GLG1: variants seen among roughly 807,000 people sequenced by gnomAD.
GLG1 encodes the protein Golgi apparatus protein 1.
In GLG1, 38 loss-of-function variants were observed where a neutral mutation model predicts 160.5. The observed-to-expected ratio is 0.24, with a 90% CI of 0.18 to 0.31. The LOEUF (loss-of-function observed/expected upper bound fraction) is 0.31, where lower values mean the gene tolerates loss of function less well. GLG1 is among the 10% of genes least tolerant of loss of function. The pLI is 1.00. For missense variants in GLG1, 1,373 were observed against 1,505.2 expected (o/e 0.91, Z 1.45); for synonymous variants, 644 against 543.4 (o/e 1.19, Z -2.57).
At position 74,447,542 on chromosome 16, in the gene GLG1, T is replaced by C. The variant is rs1008490402; in HGVS notation, c.*5625A>G. ...AGTAACATCTCAAAATTACACAGCA[T>C]GAACATGTAAAAACAAGGGACCACC... On this transcript the variant is annotated 3_prime_UTR_variant, in exon 26 of 26. Coordinates refer to ENST00000422840, the MANE Select transcript of GLG1 (RefSeq NM_001145667.2). 1.3e-5 allele frequency: 2 copies of C among 152,164 alleles called. No homozygotes were observed. Among genetic ancestry groups the C allele is most frequent in the African/African-American group, 4.8e-5 (2 of 41,434 alleles). The allele number at this position is 152,164 out of a possible 1,614,324, so 9.4% of individuals were successfully genotyped here. A position where few individuals can be genotyped will look rare whatever the true frequency, so the allele number is the denominator to read the frequency against.
chr16:74,558,179 G>T (rs755183538), intron 1 of GLG1, among the ~76,000 whole-genome samples: 36 of 152,160 alleles, frequency 2.4e-4, no homozygotes, highest in East Asian at 1.2e-3. Flanking sequence ...GTGTTCACCA[G>T]CTGACAAACT....
At chr16:74,537,257 G>C (rs995979670) in intron 1 of GLG1, among the ~76,000 whole-genome samples, 6 of 152,100 alleles carry the variant, frequency 3.9e-5, no homozygotes. Context: ...CTGTATAAAT[G>C]ATACAGCAAA....
intron 1 of GLG1, among the ~76,000 whole-genome samples, chr16:74,588,842 T>A (rs192498032): frequency 6.6e-6 from 1 of 152,222 alleles, no homozygotes; most frequent in Admixed American, 6.5e-5. Flanking sequence ...ACAAATAAGA[T>A]TAAAAGGGTT....
At chr16:74,602,511 C>T (rs904330648) in intron 1 of GLG1, among the ~76,000 whole-genome samples, 4 of 152,196 alleles carry the variant, frequency 2.6e-5, no homozygotes, top group East Asian at 1.9e-4. Flanking sequence ...GGGCTGGGCG[C>T]GGTGACTCAC....
At chr16:74,583,664 G>A (rs1039107440) in intron 1 of GLG1, among the ~76,000 whole-genome samples, 1 of 152,214 alleles carries the variant, frequency 6.6e-6, no homozygotes, top group African/African-American at 2.4e-5. Flanking sequence ...ACAGGAGTAA[G>A]CCACGGCACC....
At chr16:74,504,968 T>G (rs1419960146) in intron 3 of GLG1, among the ~76,000 whole-genome samples, 1 of 152,232 alleles carries the variant, frequency 6.6e-6, no homozygotes, top group Non-Finnish European at 1.5e-5. Flanking sequence ...AAGAGCCTAT[T>G]GCATTTGGGG....
At chr16:74,568,580 G>A (rs893849624) in intron 1 of GLG1, among the ~76,000 whole-genome samples, 2 of 151,976 alleles carry the variant, frequency 1.3e-5, no homozygotes, top group African/African-American at 4.8e-5. Flanking sequence ...ACCACGCCTG[G>A]CTAATTTTTA....
At chr16:74,599,505 G>C (rs1055541952) in intron 1 of GLG1, among the ~76,000 whole-genome samples, 1 of 152,162 alleles carries the variant, frequency 6.6e-6, no homozygotes, top group Non-Finnish European at 1.5e-5. Flanking sequence ...GATTACCTGA[G>C]GTCAGGAGTT....
intron 1 of GLG1, among the ~76,000 whole-genome samples, chr16:74,549,556 G>T (rs1477319765): frequency 6.6e-6 from 1 of 152,188 alleles, no homozygotes; most frequent in Non-Finnish European, 1.5e-5. Context: ...AAGGTGCCAA[G>T]ATTACAGGCG....
chr16:74,479,225 T>A (rs2143301279), intron 11 of GLG1, among the ~76,000 whole-genome samples: 1 of 98,292 alleles, frequency 1.0e-5, no homozygotes, highest in East Asian at 2.8e-4. Context: ...CATTCAAGAG[T>A]GAGGCTTTGT....
rs775761213 is a variant in GLG1 at position 74,588,250 on chromosome 16, T to C, written c.438+18407A>G. On this transcript the variant is annotated intron_variant, in intron 1 of 25. Transcript: ENST00000422840. ...CAAATAGTATGTGATCAAATATTTG[T>C]TGATGGATTTAAATAAAAATGGTAG... Among the ~76,000 whole-genome samples, 14 of 152,060 alleles carry C rather than the reference T, an allele frequency of 9.2e-5. No homozygotes were observed. In the South Asian group the frequency reaches 2.7e-3, roughly 29 times the overall value.
chr16:74,459,467 C>T (rs768456525), intron 23 of GLG1, among the ~76,000 whole-genome samples: 18 of 151,990 alleles, frequency 1.2e-4, no homozygotes, highest in African/African-American at 3.1e-4. Context: ...AGCGAGACTC[C>T]GTCTCAAAGA....
At chr16:74,485,755 GAAATACAATATGGAT>G (rs772759319) in intron 9 of GLG1, 26 bp downstream of exon 9, 1 of 1,571,686 alleles carries the variant, frequency 6.4e-7, no homozygotes, top group Non-Finnish European at 8.7e-7. Flanking sequence ...GCTGCCAAAT[GAAATACAATATGGAT>G]AAATACCATG....
At chr16:74,561,033 G>A (rs563961258) in intron 1 of GLG1, among the ~76,000 whole-genome samples, 3 of 152,318 alleles carry the variant, frequency 2.0e-5, no homozygotes, top group Admixed American at 6.5e-5. Flanking sequence ...GCAGTCCTGC[G>A]CAGTCCTGCA....
chr16:74,486,377 C>T (rs558463376), intron 8 of GLG1, among the ~76,000 whole-genome samples: 1 of 152,292 alleles, frequency 6.6e-6, no homozygotes, highest in East Asian at 1.9e-4. Context: ...GTCAAGTGTG[C>T]TGTGCTTTAT....
chr16:74,455,064 A>G (rs1183918900), intron 25 of GLG1, among the ~76,000 whole-genome samples: 2 of 152,110 alleles, frequency 1.3e-5, no homozygotes, highest in African/African-American at 4.8e-5. Flanking sequence ...TGCACCGCAA[A>G]CAAGACTTAT....
At chr16:74,491,795 C>A (rs566768043) in intron 7 of GLG1, among the ~76,000 whole-genome samples, 2 of 151,774 alleles carry the variant, frequency 1.3e-5, no homozygotes, top group Non-Finnish European at 2.9e-5. Flanking sequence ...CCTGCCACCA[C>A]GCCCGGCTAA....
At chr16:74,492,420 C>G (rs574993283) in intron 7 of GLG1, among the ~76,000 whole-genome samples, 106 of 151,426 alleles carry the variant, frequency 7.0e-4, no homozygotes, top group African/African-American at 2.3e-3. Context: ...CAGTGGCTCA[C>G]GCCTGTAATC....
intron 1 of GLG1, among the ~76,000 whole-genome samples, chr16:74,546,139 G>GA (rs1567515903): frequency 6.6e-6 from 1 of 152,124 alleles, no homozygotes; most frequent in African/African-American, 2.4e-5. Flanking sequence ...AGAGTACTGG[G>GA]AAATCTAATG....
Sources: allele counts gnomAD v4.1 joint callset (sites outside exome capture counted in the v4.1 genomes callset), GRCh38; gene constraint gnomAD v4.1.1; transcripts MANE v1.5; gene names NCBI Gene and HGNC (gene_info 2026-07-23, HGNC 2026-07-21).